GIMAP8: variants seen among roughly 807,000 people sequenced by gnomAD.
The protein encoded by GIMAP8 is GTPase, IMAP family member 8, also known as GTPase IMAP family member 8.
GIMAP8 carries 29 observed loss-of-function variants against 35.6 expected under a neutral mutation model. The ratio of observed to expected loss-of-function variants is 0.81; its 90% CI spans 0.61 to 1.11. The LOEUF is 1.11. Among genes scored for constraint, GIMAP8 ranks in the 50% most tolerant of loss-of-function variants. The pLI is 0.00. For synonymous variants in GIMAP8, 335 were observed against 308.7 expected (o/e 1.09, Z -0.89); for missense variants, 811 against 805.0 (o/e 1.01, Z -0.09).
At chr7:150,476,998 A>T in intron 4 of GIMAP8, 94 bp from the exon 5 acceptor site, 1 of 935,300 alleles carries the variant, frequency 1.1e-6, no homozygotes, top group Non-Finnish European at 1.7e-6. Flanking sequence ...CATGCTGTTT[A>T]CTTTAGTGAT....
intron 1 of GIMAP8, among the ~76,000 whole-genome samples, chr7:150,460,766 A>G (rs1801827638): frequency 6.6e-6 from 1 of 152,248 alleles, no homozygotes; most frequent in African/African-American, 2.4e-5. Flanking sequence ...CATTTGGGCT[A>G]CTTTTTCATG....
At position 150,467,232 on chromosome 7, in the gene GIMAP8, GATCACCCAGGT is replaced by G. The variant is rs1563284512; in HGVS notation, c.535_545del (p.Ile179ValfsTer8). 1.9e-6 allele frequency: 3 copies of G among 1,614,254 alleles called. No individual in the cohort carries two copies. Among genetic ancestry groups the G allele is most frequent in the Non-Finnish European group, 2.5e-6 (3 of 1,180,044 alleles). On this transcript the variant is annotated frameshift_variant, in exon 2 of 5. Coordinates refer to ENST00000307271, the MANE Select transcript of GIMAP8 (RefSeq NM_175571.4). LOFTEE classifies it high-confidence loss of function. ...ACAAGACCAATAGTAAGGATGAGCA[GATCACCCAGGT>G]GTTGGAGCTCCTTCGCAAGGTTGAG... is the stretch of plus-strand genomic sequence containing the variant.
At chr7:150,463,029 T>TA (rs141959019) in intron 1 of GIMAP8, among the ~76,000 whole-genome samples, 2,514 of 152,216 alleles carry the variant, frequency 0.017, 74 homozygotes, top group African/African-American at 0.058. Flanking sequence ...TCTTTATTCT[T>TA]AAAAAAGTTT....
intron 4 of GIMAP8, among the ~76,000 whole-genome samples, chr7:150,475,374 A>G (rs932260716): frequency 2.0e-5 from 3 of 152,208 alleles, no homozygotes; most frequent in Non-Finnish European, 4.4e-5. Context: ...TGCTTCTCAA[A>G]TTGTACTGAA....
intron 1 of GIMAP8, among the ~76,000 whole-genome samples, chr7:150,462,276 A>G (rs577878119): frequency 5.3e-5 from 8 of 152,216 alleles, no homozygotes; most frequent in Non-Finnish European, 1.0e-4. Flanking sequence ...GTATATGTGC[A>G]TGTCACAGGG....
Position 150,477,137 on chromosome 7 carries a change from G to T in GIMAP8, c.1355G>T (p.Ser452Ile). 1 of 1,613,170 alleles carries T rather than the reference G, an allele frequency of 6.2e-7. No individual in the cohort carries two copies. The highest frequency in any genetic ancestry group is 8.5e-7 in the Non-Finnish European group (1 of 1,179,180). The change falls in exon 5 of 5, where the codon AGT (serine) becomes ATT (isoleucine). Residue 452 changes from serine to isoleucine, a missense_variant. Transcript: ENST00000307271. ...VLVGRSGTGK[S>I]ATGNSILGSL... is the part of the protein sequence containing the mutation. Reference sequence around the variant, plus strand: ...GTGGGGAGAAGCGGGACTGGGAAGAGTGCGACCGGGAACTCTATCCTGGGG... The same window carrying T: ...GTGGGGAGAAGCGGGACTGGGAAGATTGCGACCGGGAACTCTATCCTGGGG...
chr7:150,460,978 T>C (rs184117635), intron 1 of GIMAP8, among the ~76,000 whole-genome samples: 1 of 152,256 alleles, frequency 6.6e-6, no homozygotes, highest in East Asian at 1.9e-4. Context: ...TAGTTATTCA[T>C]AGACAATAGC....
intron 2 of GIMAP8, among the ~76,000 whole-genome samples, chr7:150,468,524 T>C (rs1802023474): frequency 6.6e-6 from 1 of 152,212 alleles, no homozygotes; most frequent in African/African-American, 2.4e-5. Context: ...GTCCGTACTA[T>C]GGAATAAATT....
chr7:150,466,919 C>A lies in GIMAP8; in HGVS notation c.221C>A (p.Ala74Asp). 6.2e-7 allele frequency: 1 copy of A among 1,614,206 alleles called. No individual in the cohort carries two copies. Among genetic ancestry groups the A allele is most frequent in the South Asian group, 1.1e-5 (1 of 91,084 alleles). Residue 74 changes from alanine to aspartate, a missense_variant, in exon 2 of 5, where the codon GCT (alanine) becomes GAT (aspartate). Coordinates refer to ENST00000307271, the MANE Select transcript of GIMAP8 (RefSeq NM_175571.4). ...ACCCCTGACCTTTTCTCCTCAATAG[C>A]TTGTGCTGAAGACAAGCAACGCAAC... The part of the protein sequence containing the change: ...IDTPDLFSSI[A>D]CAEDKQRNIQ...
chr7:150,466,623 A>T lies in GIMAP8; in HGVS notation c.-28-48A>T. The stretch of plus-strand genomic sequence containing the variant: ...GTCTTTTCTTGCTGTTTTCCTGTCC[A>T]CTCTGTGTGGGAGTTGAACATTAAT... On this transcript the variant is annotated intron_variant, in intron 1 of 4. Coordinates refer to ENST00000307271, the MANE Select transcript of GIMAP8 (RefSeq NM_175571.4). 3 of 1,492,258 alleles carry T rather than the reference A, an allele frequency of 2.0e-6. No individual in the cohort carries two copies. In the South Asian group the frequency reaches 3.8e-5, roughly 19 times the overall value. The allele number at this position is 1,492,258 out of a possible 1,614,324, so 92.4% of individuals were successfully genotyped here.
Position 150,474,145 on chromosome 7 carries a change from C to G in GIMAP8, c.816C>G (p.Ala272=), listed in dbSNP as rs377649074. The change falls in exon 4 of 5, where the codon GCC becomes GCG. Residue 272 remains alanine (A), a synonymous_variant. Coordinates refer to ENST00000307271, the MANE Select transcript of GIMAP8 (RefSeq NM_175571.4). The part of the protein sequence containing the change: ...AAGNSILGRQ[A]FQTGFSEQSV... Reference sequence around the variant, plus strand: ...GAAACAGCATTCTGGGGAGGCAGGCCTTTCAGACCGGATTTAGTGAGCAGT... The same window carrying G: ...GAAACAGCATTCTGGGGAGGCAGGCGTTTCAGACCGGATTTAGTGAGCAGT... 1 of 1,614,086 alleles carries G rather than the reference C, an allele frequency of 6.2e-7. No homozygotes were observed. The highest frequency in any genetic ancestry group is 1.3e-5 in the African/African-American group (1 of 74,910).
chr7:150,453,588 C>T (rs1801666513), intron 1 of GIMAP8, among the ~76,000 whole-genome samples: 2 of 152,342 alleles, frequency 1.3e-5, no homozygotes, highest in South Asian at 4.1e-4. Context: ...CTTTCTTCGG[C>T]GTATCTGCTG....
intron 3 of GIMAP8, among the ~76,000 whole-genome samples, chr7:150,473,286 G>A (rs925381371): frequency 3.3e-5 from 5 of 152,088 alleles, no homozygotes; most frequent in African/African-American, 1.2e-4. Context: ...ATTTATTGAG[G>A]TACGATTTAC....
intron 1 of GIMAP8, among the ~76,000 whole-genome samples, chr7:150,463,691 G>T (rs1009186271): frequency 2.2e-4 from 33 of 152,318 alleles, no homozygotes; most frequent in African/African-American, 7.5e-4. Flanking sequence ...TGGGGATAGA[G>T]ATACCAAGTG....
At chr7:150,455,679 C>T (rs1276571924) in intron 1 of GIMAP8, among the ~76,000 whole-genome samples, 3 of 152,150 alleles carry the variant, frequency 2.0e-5, no homozygotes, top group East Asian at 3.9e-4. Flanking sequence ...TGAATGTGCA[C>T]GAGGATAACC....
intron 1 of GIMAP8, among the ~76,000 whole-genome samples, chr7:150,455,859 G>T (rs1445926227): frequency 6.6e-6 from 1 of 152,172 alleles, no homozygotes; most frequent in African/African-American, 2.4e-5. Context: ...CAAAGAGTTG[G>T]TCTCTGGGAT....
chr7:150,463,026 T>G (rs1358489187), intron 1 of GIMAP8, among the ~76,000 whole-genome samples: 1 of 151,850 alleles, frequency 6.6e-6, no homozygotes, highest in Non-Finnish European at 1.5e-5. Context: ...CTTTCTTTAT[T>G]CTTAAAAAAG....
At chr7:150,476,821 G>T (rs973648481) in intron 4 of GIMAP8, among the ~76,000 whole-genome samples, 2 of 152,166 alleles carry the variant, frequency 1.3e-5, no homozygotes, top group African/African-American at 4.8e-5. Flanking sequence ...GAGCAGAGCC[G>T]ATTCAGTGAT....
At chr7:150,456,907 T>C (rs1035516727) in intron 1 of GIMAP8, among the ~76,000 whole-genome samples, 1 of 152,354 alleles carries the variant, frequency 6.6e-6, no homozygotes, top group East Asian at 1.9e-4. Flanking sequence ...ATCTCTTTGA[T>C]GTCATGATAA....
Sources: allele counts gnomAD v4.1 joint callset (sites outside exome capture counted in the v4.1 genomes callset), GRCh38; gene constraint gnomAD v4.1.1; transcripts MANE v1.5; gene names NCBI Gene and HGNC (gene_info 2026-07-23, HGNC 2026-07-21).